Variants in BNC2 observed in about 807,000 individuals in gnomAD.
The protein encoded by BNC2 is basonuclin zinc finger protein 2.
A neutral mutation model predicts 76.3 loss-of-function variants in BNC2; 20 were observed. That is an observed-to-expected ratio of 0.26 (90% CI 0.18 to 0.38). The LOEUF (loss-of-function observed/expected upper bound fraction) is 0.38, where lower values mean the gene tolerates loss of function less well. Ranked by LOEUF, BNC2 falls within the 10% of genes least tolerant of loss-of-function variation. The pLI, the probability that BNC2 is intolerant of heterozygous loss-of-function variation, is 1.00. For synonymous variants in BNC2, 582 were observed against 514.8 expected, an observed-to-expected ratio of 1.13 and a Z score of -1.77; for missense variants, 1,382 against 1,399.8, an observed-to-expected ratio of 0.99 and a Z score of 0.20.
rs74762881 is a variant in BNC2 at position 16,866,870 on chromosome 9, G to T, written c.3+3776C>A. Among the ~76,000 whole-genome samples, 156 of 152,144 alleles carry T rather than the reference G, an allele frequency of 1.0e-3. 2 individuals are homozygous for T. The East Asian group carries it at 0.026, about 26-fold the overall frequency. On this transcript the variant is annotated intron_variant, in intron 1 of 6. Transcript: ENST00000380672. The stretch of plus-strand genomic sequence containing the variant: ...ATACTATATAATTCCCATCCAACAG[G>T]AAAGATTTGAGGAGGCTACCTCCCC...
intron 1 of BNC2, among the ~76,000 whole-genome samples, chr9:16,840,561 C>G (rs1298868334): frequency 6.6e-6 from 1 of 152,108 alleles, no homozygotes; most frequent in Non-Finnish European, 1.5e-5. Context: ...GGTTGTATGC[C>G]TTTCCAAATA....
chr9:16,573,783 C>A (rs1233765251), intron 4 of BNC2, among the ~76,000 whole-genome samples: 1 of 152,164 alleles, frequency 6.6e-6, no homozygotes, highest in East Asian at 1.9e-4. Context: ...ATACTTAAAG[C>A]ACTTCTTATA....
intron 3 of BNC2, among the ~76,000 whole-genome samples, chr9:16,689,423 T>C (rs775586901): frequency 3.3e-5 from 5 of 152,034 alleles, no homozygotes; most frequent in African/African-American, 4.8e-5. Context: ...GAAATTTCCA[T>C]TTTACTTTTA....
intron 3 of BNC2, among the ~76,000 whole-genome samples, chr9:16,584,877 A>G (rs577645843): frequency 3.7e-4 from 57 of 152,316 alleles, no homozygotes; most frequent in African/African-American, 1.3e-3. Flanking sequence ...TTTACAAATT[A>G]TCTAATTATA....
intron 3 of BNC2, among the ~76,000 whole-genome samples, chr9:16,635,354 T>C (rs1180868184): frequency 6.6e-6 from 1 of 152,268 alleles, no homozygotes; most frequent in Non-Finnish European, 1.5e-5. Flanking sequence ...TGATTTTGTT[T>C]ATTTACTTTA....
intron 3 of BNC2, among the ~76,000 whole-genome samples, chr9:16,709,333 C>A (rs578187613): frequency 1.3e-5 from 2 of 152,292 alleles, no homozygotes; most frequent in South Asian, 4.2e-4. Context: ...AATCAGCAAC[C>A]CACGCTGCCA....
intron 1 of BNC2, among the ~76,000 whole-genome samples, chr9:16,796,762 C>T (rs1817665958): frequency 6.6e-6 from 1 of 152,148 alleles, no homozygotes; most frequent in African/African-American, 2.4e-5. Context: ...TTTGACAAAT[C>T]TTTATAAATG....
At chr9:16,768,394 A>G (rs1337370455) in intron 1 of BNC2, among the ~76,000 whole-genome samples, 1 of 152,178 alleles carries the variant, frequency 6.6e-6, no homozygotes, top group African/African-American at 2.4e-5. Flanking sequence ...ATGGTGAGAA[A>G]ACGGGAGTGT....
At chr9:16,471,357 G>A (rs1430823901) in intron 5 of BNC2, among the ~76,000 whole-genome samples, 2 of 149,286 alleles carry the variant, frequency 1.3e-5, no homozygotes, top group African/African-American at 4.9e-5. Context: ...GCAGTGGCAC[G>A]ATCTTGGCTC....
intron 1 of BNC2, among the ~76,000 whole-genome samples, chr9:16,824,158 C>T (rs949288308): frequency 7.2e-5 from 11 of 152,104 alleles, no homozygotes; most frequent in African/African-American, 2.4e-4. Flanking sequence ...TGACCGCTAC[C>T]ATTATCACTA....
intron 5 of BNC2, among the ~76,000 whole-genome samples, chr9:16,448,459 C>T (rs1490489915): frequency 6.6e-6 from 1 of 152,114 alleles, no homozygotes; most frequent in African/African-American, 2.4e-5. Flanking sequence ...ATCAAGATTA[C>T]TGATATTGGT....
At chr9:16,434,269 T>A (rs1255766073) in intron 6 of BNC2, among the ~76,000 whole-genome samples, 1 of 152,198 alleles carries the variant, frequency 6.6e-6, no homozygotes, top group Non-Finnish European at 1.5e-5. Context: ...AGGATTGATC[T>A]CCAAATATGA....
chr9:16,731,820 T>C (rs67789544), intron 2 of BNC2, among the ~76,000 whole-genome samples: 12,913 of 152,222 alleles, frequency 0.085, 1,095 homozygotes, highest in East Asian at 0.47. Flanking sequence ...GTCAGACATA[T>C]ATATTCTAAA....
intron 5 of BNC2, among the ~76,000 whole-genome samples, chr9:16,441,026 T>C (rs1375882708): frequency 6.6e-6 from 1 of 152,190 alleles, no homozygotes; most frequent in Non-Finnish European, 1.5e-5. Context: ...AGGTGTCCTT[T>C]CCAAAGAAGT....
intron 5 of BNC2, among the ~76,000 whole-genome samples, chr9:16,526,107 T>C (rs924041430): frequency 1.3e-5 from 2 of 152,160 alleles, no homozygotes; most frequent in African/African-American, 4.8e-5. Flanking sequence ...TGGGTTTTTG[T>C]TTTTGTTCTC....
chr9:16,555,519 G>A (rs1818802362), intron 4 of BNC2, among the ~76,000 whole-genome samples: 1 of 152,170 alleles, frequency 6.6e-6, no homozygotes, highest in South Asian at 2.1e-4. Context: ...GAATACAGCT[G>A]GGCAAGGTGG....
At chr9:16,764,351 C>T (rs1391178819) in intron 1 of BNC2, among the ~76,000 whole-genome samples, 2 of 152,134 alleles carry the variant, frequency 1.3e-5, no homozygotes, top group African/African-American at 4.8e-5. Flanking sequence ...AAAAAGTGAC[C>T]TCAATTTCAT....
chr9:16,510,168 T>C (rs1822720132), intron 5 of BNC2, among the ~76,000 whole-genome samples: 1 of 152,210 alleles, frequency 6.6e-6, no homozygotes, highest in Non-Finnish European at 1.5e-5. Context: ...ACTCAAGCTG[T>C]CTTAGAGAAG....
At chr9:16,807,343 G>C (rs1817939282) in intron 1 of BNC2, among the ~76,000 whole-genome samples, 1 of 152,070 alleles carries the variant, frequency 6.6e-6, no homozygotes, top group Non-Finnish European at 1.5e-5. Context: ...AGGTTTATAG[G>C]ACAGAAACTA....
Sources: gnomAD v4.1 joint callset for allele counts (sites outside exome capture counted in the v4.1 genomes callset) on GRCh38, gnomAD v4.1.1 for gene constraint, MANE v1.5 for transcripts, NCBI Gene and HGNC (gene_info 2026-07-23, HGNC 2026-07-21) for gene names.